The following PTK2 variants were observed in gnomAD, a reference collection of about 807,000 sequenced individuals.
The protein encoded by PTK2 is protein tyrosine kinase 2, also known as focal adhesion kinase 1.
Under a neutral mutation model 150.1 loss-of-function variants are expected in PTK2, and 45 were observed. The observed-to-expected ratio is 0.30, with a 90% CI of 0.24 to 0.38. The LOEUF is 0.38. PTK2 is among the 10% of genes least tolerant of loss of function. The pLI is 1.00. For synonymous variants in PTK2, 432 were observed against 449.2 expected (o/e 0.96, Z 0.48); for missense variants, 919 against 1,307.3 (o/e 0.70, Z 4.58).
intron 30 of PTK2, 130 bp downstream of exon 34, chr8:140,668,139 G>T: frequency 9.5e-7 from 1 of 1,056,452 alleles, no homozygotes; most frequent in Non-Finnish European, 1.4e-6. Context: ...TGGTGCTTTC[G>T]TGAAGAGCTT....
At chr8:140,889,733 A>G (rs528724532) in intron 3 of PTK2, among the ~76,000 whole-genome samples, 9 of 152,330 alleles carry the variant, frequency 5.9e-5, no homozygotes, top group African/African-American at 2.2e-4. Flanking sequence ...GGAGAGGGTA[A>G]GAAAGAGGAG....
chr8:140,804,259 T>C (rs1332624261), intron 10 of PTK2, among the ~76,000 whole-genome samples: 3 of 151,048 alleles, frequency 2.0e-5, no homozygotes, highest in African/African-American at 7.3e-5. Flanking sequence ...CTATTACTGC[T>C]GCACAAATTA....
At chr8:140,873,900 A>G (rs2100144025) in intron 4 of PTK2, among the ~76,000 whole-genome samples, 1 of 152,248 alleles carries the variant, frequency 6.6e-6, no homozygotes, top group Non-Finnish European at 1.5e-5. Flanking sequence ...TAATCTTAGT[A>G]CAGTAGAATT....
At position 140,812,464 on chromosome 8, in the gene PTK2, T is replaced by C. The variant is rs139614325; in HGVS notation, c.867+5813A>G. Reference sequence around the variant, plus strand: ...ACAAAAACACAGACCAGTGACACTATAAAGCAAACACACAAACAAGTTTGC... The same window carrying C: ...ACAAAAACACAGACCAGTGACACTACAAAGCAAACACACAAACAAGTTTGC... On this transcript the variant is annotated intron_variant, in intron 10 of 31. Transcript: ENST00000522684. Among the ~76,000 whole-genome samples the C allele has an allele frequency of 1.9e-3, 289 of 152,236 alleles. 1 individual carries two copies. Among genetic ancestry groups the C allele is most frequent in the Middle Eastern group, 3.4e-3 (1 of 292 alleles).
chr8:140,745,295 C>T (rs574428280), intron 18 of PTK2, among the ~76,000 whole-genome samples: 7 of 152,288 alleles, frequency 4.6e-5, no homozygotes, highest in African/African-American at 1.7e-4. Context: ...GGGTATTTAT[C>T]ACAATGTACT....
chr8:140,989,741 T>G (rs1053086165), intron 1 of PTK2, among the ~76,000 whole-genome samples: 5 of 151,694 alleles, frequency 3.3e-5, no homozygotes, highest in Non-Finnish European at 7.4e-5. Context: ...AAACCTCATC[T>G]CTACTAAAAA....
At chr8:140,927,975 A>ATAT (rs1367767247) in intron 1 of PTK2, among the ~76,000 whole-genome samples, 536 of 48,150 alleles carry the variant, frequency 0.011, 7 homozygotes, top group Middle Eastern at 0.032. Context: ...AAAAAAAAAA[A>ATAT]ATATATATAT....
intron 1 of PTK2, among the ~76,000 whole-genome samples, chr8:140,964,311 C>CA (rs1569509856): frequency 6.6e-6 from 1 of 152,090 alleles, no homozygotes; most frequent in Non-Finnish European, 1.5e-5. Flanking sequence ...ACTGTAGTCT[C>CA]AGACACCTGA....
At chr8:140,760,050 C>T (rs1207639470) in intron 16 of PTK2, among the ~76,000 whole-genome samples, 5 of 151,930 alleles carry the variant, frequency 3.3e-5, no homozygotes, top group Non-Finnish European at 7.4e-5. Context: ...GGTGAAACCC[C>T]GTCTCTACTA....
intron 11 of PTK2, 103 bp from the exon 12 acceptor site, chr8:140,800,679 G>A (rs1039911521): frequency 2.5e-6 from 2 of 810,932 alleles, no homozygotes; most frequent in African/African-American, 3.4e-5. Context: ...TGAAAACAGA[G>A]AAGAGTGGGA....
chr8:140,956,724 A>G (rs971313489), intron 1 of PTK2, among the ~76,000 whole-genome samples: 1 of 152,126 alleles, frequency 6.6e-6, no homozygotes, highest in Non-Finnish European at 1.5e-5. Context: ...GTGTGGGTCT[A>G]CCCTAATGTG....
Position 140,761,280 on chromosome 8 carries a change from C to T in PTK2, c.1235-18G>A. On this transcript the variant is annotated intron_variant, in intron 15 of 31. Transcript: ENST00000522684. ...ATCCCTGGCTGTAAAACATAATTCA[C>T]ACATCAATACTTAAGTAAAATATTC... is the stretch of plus-strand genomic sequence containing the variant. The T allele has an allele frequency of 6.6e-7, 1 of 1,517,792 alleles. No individual in the cohort carries two copies. Among genetic ancestry groups the T allele is most frequent in the Non-Finnish European group, 9.1e-7 (1 of 1,092,970 alleles). 94.0% of individuals were successfully genotyped at this position (1,517,792 alleles called of 1,614,324 possible).
In PTK2 at chr8:140,735,077, ACT is replaced by A. The variant is rs535701927; in HGVS notation, c.2030+172_2030+173del. 1.5e-4 allele frequency: 95 copies of A among 635,454 alleles called. 1 individual carries two copies. In the East Asian group the frequency reaches 2.0e-3, roughly 13 times the overall value. The allele number at this position is 635,454 out of a possible 1,614,324, so 39.4% of individuals were successfully genotyped here. A position where few individuals can be genotyped will look rare whatever the true frequency, so the allele number is the denominator to read the frequency against. On this transcript the variant is annotated intron_variant, in intron 22 of 31. Transcript: ENST00000522684. ...ATTTTAAAGATATAATTTACTTAAG[ACT>A]CTAGCAAGGTACAAAGAAATGCAAA...
At chr8:140,946,132 G>C (rs1017348155) in intron 1 of PTK2, among the ~76,000 whole-genome samples, 6 of 152,132 alleles carry the variant, frequency 3.9e-5, no homozygotes, top group African/African-American at 9.7e-5. Flanking sequence ...GAATACACTT[G>C]ACTGCATGGA....
chr8:140,909,717 G>A (rs1397230255), intron 2 of PTK2: 2 of 152,142 alleles, frequency 1.3e-5, no homozygotes, highest in African/African-American at 4.8e-5. Context: ...TGTTAAAGAA[G>A]GATGAACTGA....
intron 24 of PTK2, among the ~76,000 whole-genome samples, chr8:140,704,115 T>A (rs2100032329): frequency 6.6e-6 from 1 of 152,224 alleles, no homozygotes. Flanking sequence ...TATCAAGATT[T>A]CTGGTGAAAA....
intron 1 of PTK2, among the ~76,000 whole-genome samples, chr8:140,973,221 G>C (rs374648135): frequency 4.7e-4 from 72 of 152,308 alleles, no homozygotes; most frequent in African/African-American, 1.7e-3. Flanking sequence ...CCTTTGCCCA[G>C]ATCCTGGGAG....
intron 14 of PTK2, among the ~76,000 whole-genome samples, chr8:140,782,887 G>A (rs989469485): frequency 6.6e-5 from 10 of 152,020 alleles, no homozygotes; most frequent in African/African-American, 2.2e-4. Flanking sequence ...GGAATCACAC[G>A]CAAACTCTTT....
chr8:140,866,170 T>C (rs1158739499), intron 4 of PTK2, among the ~76,000 whole-genome samples: 1 of 152,158 alleles, frequency 6.6e-6, no homozygotes, highest in Non-Finnish European at 1.5e-5. Context: ...TAAAAAAAAA[T>C]GCTCAGCAAA....
Sources: gnomAD v4.1 joint callset for allele counts (sites outside exome capture counted in the v4.1 genomes callset) on GRCh38, gnomAD v4.1.1 for gene constraint, MANE v1.5 for transcripts, NCBI Gene and HGNC (gene_info 2026-07-23, HGNC 2026-07-21) for gene names.